Variants in RAB20 observed in about 807,000 individuals in gnomAD.
The protein encoded by RAB20 is ras-related protein Rab-20.
A neutral mutation model predicts 3.7 loss-of-function variants in RAB20; 2 were observed. The observed-to-expected ratio is 0.54, with a 90% CI of 0.22 to 1.69. The LOEUF (loss-of-function observed/expected upper bound fraction) is 1.69, where lower values mean the gene tolerates loss of function less well. RAB20 is among the 40% of genes most tolerant of loss of function. RAB20 has a pLI of 0.19. For missense variants in RAB20, 276 were observed against 311.9 expected (o/e 0.88, Z 0.87); for synonymous variants, 126 against 130.8 (o/e 0.96, Z 0.25).
At chr13:110,539,596 G>C (rs368490763) in intron 1 of RAB20, among the ~76,000 whole-genome samples, 1 of 133,136 alleles carries the variant, frequency 7.5e-6, no homozygotes, top group East Asian at 2.2e-4. Context: ...TCTCACTCTT[G>C]TTGCCCAGGC....
chr13:110,529,474 T>G (rs1162475274), intron 1 of RAB20, among the ~76,000 whole-genome samples: 1 of 152,228 alleles, frequency 6.6e-6, no homozygotes, highest in Non-Finnish European at 1.5e-5. Flanking sequence ...GCCAAAGCAC[T>G]GAGAGTTCTG....
At chr13:110,533,928 C>T (rs1435241413) in intron 1 of RAB20, among the ~76,000 whole-genome samples, 1 of 152,180 alleles carries the variant, frequency 6.6e-6, no homozygotes, top group Non-Finnish European at 1.5e-5. Flanking sequence ...AGGCAAGGGC[C>T]CCACGCAGTG....
intron 1 of RAB20, among the ~76,000 whole-genome samples, chr13:110,536,160 C>T (rs141628765): frequency 1.3e-5 from 2 of 152,298 alleles, no homozygotes; most frequent in Admixed American, 1.3e-4. Context: ...GCCACAGCTC[C>T]GCAGGCAAGG....
intron 1 of RAB20, among the ~76,000 whole-genome samples, chr13:110,549,071 T>C (rs570126815): frequency 5.9e-5 from 9 of 152,300 alleles, no homozygotes; most frequent in African/African-American, 2.2e-4. Flanking sequence ...ACCCTAGCAG[T>C]AGGTAGCTGA....
At chr13:110,532,710 G>C (rs1884564762) in intron 1 of RAB20, among the ~76,000 whole-genome samples, 1 of 152,098 alleles carries the variant, frequency 6.6e-6, no homozygotes, top group African/African-American at 2.4e-5. Context: ...ACAGAGTCTT[G>C]CTCTGTCACC....
At chr13:110,526,392 C>T (rs757449325) in intron 1 of RAB20, among the ~76,000 whole-genome samples, 17 of 152,196 alleles carry the variant, frequency 1.1e-4, no homozygotes, top group South Asian at 2.1e-4. Context: ...TTTAATCTCC[C>T]AAGTTTTAAG....
At chr13:110,557,565 C>T (rs1280281239) in intron 1 of RAB20, among the ~76,000 whole-genome samples, 2 of 152,236 alleles carry the variant, frequency 1.3e-5, no homozygotes, top group Non-Finnish European at 1.5e-5. Flanking sequence ...CTCATCTTTG[C>T]GGTGGCCACT....
At chr13:110,543,391 C>A (rs1391859564) in intron 1 of RAB20, among the ~76,000 whole-genome samples, 1 of 152,150 alleles carries the variant, frequency 6.6e-6, no homozygotes, top group Non-Finnish European at 1.5e-5. Flanking sequence ...CCTCGGCCTC[C>A]CAAAGTGCTG....
intron 1 of RAB20, among the ~76,000 whole-genome samples, chr13:110,552,974 T>G (rs1374588724): frequency 6.6e-6 from 1 of 152,232 alleles, no homozygotes; most frequent in Non-Finnish European, 1.5e-5. Context: ...GCCACTGTGC[T>G]CTGCAATCTC....
In RAB20 at chr13:110,523,695, G is replaced by A; in HGVS notation, c.675C>T (p.Pro225=). 1 of 1,614,118 alleles carries A rather than the reference G, an allele frequency of 6.2e-7. No homozygotes were observed. The highest frequency in any genetic ancestry group is 1.1e-5 in the South Asian group (1 of 91,084). ...HTVDISSHKP[P]KRTRSGCCA Reference sequence around the variant, plus strand: ...CACAACACCCAGATCTGGTCCTCTTGGGTGGCTTATGACTGGATATATCCA... The same window carrying A: ...CACAACACCCAGATCTGGTCCTCTTAGGTGGCTTATGACTGGATATATCCA... Residue 225 remains proline (P), a synonymous_variant, in exon 2 of 2, where the codon CCC becomes CCT. Coordinates refer to ENST00000267328, the MANE Select transcript of RAB20 (RefSeq NM_017817.3).
intron 1 of RAB20, among the ~76,000 whole-genome samples, chr13:110,560,722 A>G (rs1454071528): frequency 1.3e-5 from 2 of 152,022 alleles, no homozygotes; most frequent in Admixed American, 1.3e-4. Flanking sequence ...ACTACACAAT[A>G]AAAATAACTC....
At chr13:110,532,567 G>C (rs1884560891) in intron 1 of RAB20, among the ~76,000 whole-genome samples, 2 of 152,110 alleles carry the variant, frequency 1.3e-5, no homozygotes, top group South Asian at 2.1e-4. Context: ...AGTAGGGACA[G>C]GGTTTCACCA....
At chr13:110,533,849 C>T (rs1884592429) in intron 1 of RAB20, among the ~76,000 whole-genome samples, 1 of 152,214 alleles carries the variant, frequency 6.6e-6, no homozygotes, top group Non-Finnish European at 1.5e-5. Flanking sequence ...AGCTGGGCTG[C>T]CTGGAGCCAG....
chr13:110,536,031 C>T (rs189673307), intron 1 of RAB20, among the ~76,000 whole-genome samples: 1 of 152,324 alleles, frequency 6.6e-6, no homozygotes, highest in Admixed American at 6.5e-5. Flanking sequence ...ACGGCAGACC[C>T]TTAATCACAT....
Position 110,561,507 on chromosome 13 carries a change from C to T in RAB20, c.13G>A (p.Asp5Asn). ...TCCCCCAGGAGCACGATCTTGCTGT[C>T]GGGCTTCCTCATCTTCCCGTAAGAA... MRKP[D>N]SKIVLLGDMN... The change falls in exon 1 of 2, where the codon GAC becomes AAC. Residue 5 changes from aspartate to asparagine, a missense_variant. Physicochemically the swap from Asp to Asn is conservative, Grantham distance 23 (BLOSUM62 1). Coordinates refer to ENST00000267328, the MANE Select transcript of RAB20 (RefSeq NM_017817.3). 1.3e-6 allele frequency: 2 copies of T among 1,577,532 alleles called. No individual in the cohort carries two copies. Among genetic ancestry groups the T allele is most frequent in the Non-Finnish European group, 8.6e-7 (1 of 1,162,300 alleles).
At position 110,555,858 on chromosome 13, in the gene RAB20, CCATTT is replaced by C. The variant is rs1307361264; in HGVS notation, c.172+5485_172+5489del. 6.6e-6 allele frequency among the ~76,000 whole-genome samples: 1 copy of C among 152,202 alleles called. No individual in the cohort carries two copies. Among genetic ancestry groups the C allele is most frequent in the Non-Finnish European group, 1.5e-5 (1 of 68,048 alleles). ...CTTCCCTCCTCTCGCCGTGGCCTCC[CCATTT>C]ATTAGAGACTTGTTTGCTAGGGGCC... On this transcript the variant is annotated intron_variant, in intron 1 of 1. Transcript: ENST00000267328. The surrounding 1 kb of genome is among the most constrained non-coding windows in gnomAD (Gnocchi z 4.0).
chr13:110,543,008 CACTGT>C (rs1884791750), intron 1 of RAB20, among the ~76,000 whole-genome samples: 1 of 152,222 alleles, frequency 6.6e-6, no homozygotes, highest in African/African-American at 2.4e-5. Flanking sequence ...CCTGACAGCT[CACTGT>C]ACTGCTAACT....
At chr13:110,558,949 G>T (rs1280792526) in intron 1 of RAB20, among the ~76,000 whole-genome samples, 1 of 147,272 alleles carries the variant, frequency 6.8e-6, no homozygotes, top group African/African-American at 2.5e-5. Context: ...ACCCACCTCA[G>T]CCTCCCAAAG....
chr13:110,543,418 C>G (rs1884799909), intron 1 of RAB20, among the ~76,000 whole-genome samples: 1 of 152,158 alleles, frequency 6.6e-6, no homozygotes, highest in Admixed American at 6.5e-5. Context: ...TAGGTGAGAG[C>G]CACGGCACCT....
Sources: gnomAD v4.1 joint callset for allele counts (sites outside exome capture counted in the v4.1 genomes callset) on GRCh38, gnomAD v4.1.1 for gene constraint, Gnocchi (gnomAD v3.1) non-coding constraint, MANE v1.5 for transcripts, NCBI Gene and HGNC (gene_info 2026-07-23, HGNC 2026-07-21) for gene names.